The following CRB1 variants were observed in gnomAD, a reference collection of about 807,000 sequenced individuals.
CRB1 encodes the protein crumbs cell polarity complex component 1, also known as protein crumbs homolog 1.
A neutral mutation model predicts 120.0 loss-of-function variants in CRB1; 83 were observed. The ratio of observed to expected loss-of-function variants is 0.69; its 90% CI spans 0.58 to 0.83. The LOEUF (loss-of-function observed/expected upper bound fraction) is 0.83, where lower values mean the gene tolerates loss of function less well. Ranked by LOEUF, CRB1 falls within the 40% of genes least tolerant of loss-of-function variation. The probability of loss-of-function intolerance (pLI) is 0.00; values close to 1 mark genes in which losing one functional copy is unlikely to be tolerated. For missense variants in CRB1, 1,699 were observed against 1,687.6 expected (o/e 1.01, Z -0.12); for synonymous variants, 625 against 612.5 (o/e 1.02, Z -0.30).
At chr1:197,440,408 C>G (rs541202845) in intron 10 of CRB1, 11 of 152,268 alleles carry the variant, frequency 7.2e-5, no homozygotes, top group Admixed American at 3.9e-4. Flanking sequence ...TCCCAGGAGA[C>G]TTTTCAACTG....
At position 197,455,566 on chromosome 1, in the gene CRB1, G is replaced by T. The variant is rs182473945; in HGVS notation, c.4005+13274G>T. ...TACATTGCCTTTAGGAAATGCAGTT[G>T]CACCTCATTGAATTCATTGCTAAAT... On this transcript the variant is annotated intron_variant, in intron 11 of 11. Coordinates refer to ENST00000367400, the MANE Select transcript of CRB1 (RefSeq NM_201253.3). Among the ~76,000 whole-genome samples, 332 of 152,070 alleles carry T rather than the reference G, an allele frequency of 2.2e-3. 1 individual carries two copies. Among genetic ancestry groups the T allele is most frequent in the Non-Finnish European group, 3.6e-3 (248 of 67,958 alleles).
intron 11 of CRB1, chr1:197,443,645 AT>A (rs1665565666): frequency 6.6e-6 from 1 of 151,930 alleles, no homozygotes; most frequent in African/African-American, 2.4e-5. Context: ...TCAGAAAAAA[AT>A]ATGAAAGCAT....
At chr1:197,309,505 A>T (rs1024716829) in intron 1 of CRB1, among the ~76,000 whole-genome samples, 2 of 152,188 alleles carry the variant, frequency 1.3e-5, no homozygotes, top group Non-Finnish European at 2.9e-5. Flanking sequence ...CTGTAATCCC[A>T]GCACTTTGGG....
rs116466478 is a variant in CRB1, at chr1:197,330,912, C to T, written c.652+1909C>T. ...TTAGTGGATTAAGAAGAGGAGTCCT[C>T]GGCCAGGCGCGGTGGCTCACGCCTG... On this transcript the variant is annotated intron_variant, in intron 2 of 11. Coordinates refer to ENST00000367400, the MANE Select transcript of CRB1 (RefSeq NM_201253.3). Among the ~76,000 whole-genome samples the T allele has an allele frequency of 5.7e-3, 869 of 152,164 alleles. 11 individuals are homozygous for T. Among genetic ancestry groups the T allele is most frequent in the African/African-American group, 0.02 (828 of 41,498 alleles).
In CRB1 at chr1:197,435,166, A is replaced by T; in HGVS notation, c.3303A>T (p.Glu1101Asp). ...KGLQGCLSTI[E>D]IGGIYLSYFE... ...TGCAAGGGTGTCTAAGTACAATAGA[A>T]ATCGGAGGCATTTATCTCTCTTACT... The change falls in exon 9 of 12, where the codon GAA (glutamate) becomes GAT (aspartate). Residue 1101 changes from glutamate to aspartate, a missense_variant. By Grantham distance (45) the Glu-to-Asp change is conservative. Coordinates refer to ENST00000367400, the MANE Select transcript of CRB1 (RefSeq NM_201253.3). The T allele has an allele frequency of 6.2e-7, 1 of 1,613,918 alleles. No homozygotes were observed. Among genetic ancestry groups the T allele is most frequent in the South Asian group, 1.1e-5 (1 of 91,078 alleles).
chr1:197,312,631 A>G (rs1295095012), intron 1 of CRB1, among the ~76,000 whole-genome samples: 1 of 152,226 alleles, frequency 6.6e-6, no homozygotes, highest in East Asian at 1.9e-4. Flanking sequence ...ATCTGTTAAG[A>G]TAGAAAAAAT....
chr1:197,310,201 T>C (rs1210849761), intron 1 of CRB1, among the ~76,000 whole-genome samples: 3 of 152,076 alleles, frequency 2.0e-5, no homozygotes, highest in Admixed American at 1.3e-4. Context: ...GAGGTCAAAG[T>C]TCAAGGAGGA....
At chr1:197,255,057 GT>G in the CRB1 span, among the ~76,000 whole-genome samples, 1 of 151,972 alleles carries the variant, frequency 6.6e-6, no homozygotes, top group Non-Finnish European at 1.5e-5. Context: ...TTTGGCTGAG[GT>G]CTCTCATGGT....
the CRB1 span, among the ~76,000 whole-genome samples, chr1:197,228,025 G>A: frequency 1.3e-5 from 2 of 152,158 alleles, no homozygotes; most frequent in South Asian, 2.1e-4. Flanking sequence ...GGGACACAGG[G>A]CACCAAGTCC....
At chr1:197,467,907 A>T (rs184363257) in intron 11 of CRB1, among the ~76,000 whole-genome samples, 25 of 152,306 alleles carry the variant, frequency 1.6e-4, no homozygotes, top group Admixed American at 7.8e-4. Context: ...GGCCCTCCTG[A>T]GAGACAGGAA....
chr1:197,343,962 A>C (rs1209527967), intron 2 of CRB1, among the ~76,000 whole-genome samples: 1 of 152,190 alleles, frequency 6.6e-6, no homozygotes, highest in Non-Finnish European at 1.5e-5. Context: ...ATAATGGAAA[A>C]ACATCGACCA....
At chr1:197,212,043 T>C in the CRB1 span, among the ~76,000 whole-genome samples, 2 of 152,140 alleles carry the variant, frequency 1.3e-5, no homozygotes, top group East Asian at 3.8e-4. Flanking sequence ...TAATTTGCAT[T>C]TTAAGGAAGA....
In CRB1 at chr1:197,347,413, A is replaced by G. The variant is rs1259413691; in HGVS notation, c.922A>G (p.Lys308Glu). 2 of 1,614,024 alleles carry G rather than the reference A, an allele frequency of 1.2e-6. No homozygotes were observed. The highest frequency in any genetic ancestry group is 1.7e-6 in the Non-Finnish European group (2 of 1,179,988). ...CETLMPLCWS[K>E]PCHNNATCED... ...GACCTTGATGCCTCTTTGTTGGTCAAAACCTTGTCACAATAATGCTACATG... is the reference window on the plus strand; with the variant it reads ...GACCTTGATGCCTCTTTGTTGGTCAGAACCTTGTCACAATAATGCTACATG... The change falls in exon 4 of 12, where the codon AAA (lysine) becomes GAA (glutamate). Residue 308 changes from lysine to glutamate, a missense_variant. Transcript: ENST00000367400.
chr1:197,254,244 A>G, the CRB1 span, among the ~76,000 whole-genome samples: 1 of 152,108 alleles, frequency 6.6e-6, no homozygotes, highest in Non-Finnish European at 1.5e-5. Flanking sequence ...AAGTTCGCCA[A>G]AGTAAAGAGT....
chr1:197,473,975 T>C (rs1393582129), intron 11 of CRB1, among the ~76,000 whole-genome samples: 1 of 152,190 alleles, frequency 6.6e-6, no homozygotes, highest in African/African-American at 2.4e-5. Context: ...TTGATACAGT[T>C]AGGGGAACTC....
At chr1:197,254,241 C>T in the CRB1 span, among the ~76,000 whole-genome samples, 4 of 152,178 alleles carry the variant, frequency 2.6e-5, no homozygotes, top group Middle Eastern at 6.8e-3. Context: ...CCCAAGTTCG[C>T]CAAAGTAAAG....
chr1:197,222,478 C>A, the CRB1 span: 1 of 768,948 alleles, frequency 1.3e-6, no homozygotes, highest in Middle Eastern at 3.6e-4. Flanking sequence ...GCTCTACCAC[C>A]AGGCAGTGTC....
the CRB1 span, among the ~76,000 whole-genome samples, chr1:197,219,911 A>C: frequency 6.6e-6 from 1 of 152,170 alleles, no homozygotes; most frequent in African/African-American, 2.4e-5. Context: ...ACATATTTTC[A>C]TCCTTCCATG....
At position 197,305,884 on chromosome 1, in the gene CRB1, T is replaced by G. The variant is rs929572926; in HGVS notation, c.71-22538T>G. ...GTGATAAATTACTCACTTTGGAAAC[T>G]GATATTTGAGATCTAATTGAAAAAA... On this transcript the variant is annotated intron_variant, in intron 1 of 11. Coordinates refer to ENST00000367400, the MANE Select transcript of CRB1 (RefSeq NM_201253.3). Among the ~76,000 whole-genome samples, 14 of 147,132 alleles carry G rather than the reference T, an allele frequency of 9.5e-5. 1 individual carries two copies. In the Admixed American group the frequency reaches 9.9e-4, roughly 10 times the overall value.
Sources: allele counts gnomAD v4.1 joint callset (sites outside exome capture counted in the v4.1 genomes callset), GRCh38; gene constraint gnomAD v4.1.1; transcripts MANE v1.5; gene names NCBI Gene and HGNC (gene_info 2026-07-23, HGNC 2026-07-21).